Variants in DDX60L observed in about 807,000 individuals in gnomAD.
The protein encoded by DDX60L is DExD/H-box 60 like, also known as probable ATP-dependent RNA helicase DDX60-like.
Under a neutral mutation model 211.6 loss-of-function variants are expected in DDX60L, and 191 were observed. The ratio of observed to expected loss-of-function variants is 0.90; its 90% CI spans 0.80 to 1.02. The LOEUF (loss-of-function observed/expected upper bound fraction) is 1.02, where lower values mean the gene tolerates loss of function less well. DDX60L is among the 50% of genes least tolerant of loss of function. The pLI is 0.00. For synonymous variants in DDX60L, 706 were observed against 694.1 expected, an observed-to-expected ratio of 1.02 and a Z score of -0.27; for missense variants, 2,007 against 1,984.1, an observed-to-expected ratio of 1.01 and a Z score of -0.22.
intron 34 of DDX60L, among the ~76,000 whole-genome samples, chr4:168,375,070 C>A (rs1741705505): frequency 6.6e-6 from 1 of 152,266 alleles, no homozygotes; most frequent in Non-Finnish European, 1.5e-5. Context: ...TTTTCTGATC[C>A]AGTTTTCCAA....
At chr4:168,425,706 T>C (rs996347073) in intron 14 of DDX60L, among the ~76,000 whole-genome samples, 2 of 151,886 alleles carry the variant, frequency 1.3e-5, no homozygotes, top group Non-Finnish European at 1.5e-5. Flanking sequence ...GAGGTGGAGG[T>C]TGCAGTGAGC....
At position 168,415,480 on chromosome 4, in the gene DDX60L, A is replaced by G; in HGVS notation, c.2907T>C (p.His969=). Residue 969 remains histidine, a synonymous_variant, in exon 22 of 38, where the codon CAT becomes CAC. Coordinates refer to ENST00000682922, the MANE Select transcript of DDX60L (RefSeq NM_001012967.3). The part of the protein sequence containing the change: ...CGERYNDLEK[H]ICSVKHDDVY... ...CATCATCATGTTTTACTGAACATAT[A>G]TGCTTCTCTAAATCATTGTATCTCT... 1 of 1,604,714 alleles carries G rather than the reference A, an allele frequency of 6.2e-7. No individual in the cohort carries two copies. The highest frequency in any genetic ancestry group is 1.1e-5 in the South Asian group (1 of 89,798).
chr4:168,373,836 G>C (rs1281999436), intron 34 of DDX60L, 28 bp from the exon 35 acceptor site: 1 of 1,604,064 alleles, frequency 6.2e-7, no homozygotes, highest in Non-Finnish European at 8.5e-7. Context: ...GGTCACGTTA[G>C]GTTTTAAAAA....
intron 36 of DDX60L, among the ~76,000 whole-genome samples, chr4:168,363,966 A>G (rs1486338014): frequency 6.6e-6 from 1 of 152,166 alleles, no homozygotes; most frequent in Non-Finnish European, 1.5e-5. Context: ...AAGAAAAATA[A>G]AAAATTAGCC....
intron 6 of DDX60L, among the ~76,000 whole-genome samples, chr4:168,457,287 C>T (rs959203510): frequency 1.3e-5 from 2 of 150,540 alleles, no homozygotes; most frequent in African/African-American, 4.9e-5. Context: ...CACACACACA[C>T]ACACATACAC....
chr4:168,408,176 C>T (rs1748087832), intron 22 of DDX60L, among the ~76,000 whole-genome samples: 1 of 152,194 alleles, frequency 6.6e-6, no homozygotes, highest in Admixed American at 6.5e-5. Flanking sequence ...TGCTGTGCTT[C>T]TATTTTGGTC....
intron 37 of DDX60L, 68 bp downstream of exon 37, chr4:168,361,081 G>A (rs2684347): frequency 0.77 from 875,653 of 1,132,472 alleles, 341,598 homozygotes; most frequent in East Asian, 0.86. Context: ...CTTACACAAA[G>A]GAAGAGCTAT....
chr4:168,426,670 A>G (rs1422808718), intron 14 of DDX60L, among the ~76,000 whole-genome samples: 2 of 152,188 alleles, frequency 1.3e-5, no homozygotes, highest in Non-Finnish European at 2.9e-5. Context: ...AGAAACATGG[A>G]AAAACCCATG....
chr4:168,401,064 T>C (rs564595696), intron 25 of DDX60L, 86 bp from the exon 26 acceptor site: 1 of 1,236,774 alleles, frequency 8.1e-7, no homozygotes, highest in African/African-American at 1.5e-5. Context: ...GGCCCCTCAA[T>C]CATCTGAATA....
chr4:168,459,865 A>C (rs1163823839), intron 5 of DDX60L, among the ~76,000 whole-genome samples: 1 of 142,770 alleles, frequency 7.0e-6, no homozygotes, highest in Non-Finnish European at 1.5e-5. Context: ...TCTAAAGTTC[A>C]AAAAAAAAAA....
Position 168,416,842 on chromosome 4 carries a change from G to A in DDX60L, c.2611-45C>T, listed in dbSNP as rs757082257. The A allele has an allele frequency of 9.7e-5, 107 of 1,100,194 alleles. No homozygotes were observed. In the East Asian group the frequency reaches 1.4e-3, roughly 14 times the overall value. 68.2% of individuals were successfully genotyped at this position (1,100,194 alleles called of 1,614,324 possible). On this transcript the variant is annotated intron_variant, in intron 19 of 37. Coordinates refer to ENST00000682922, the MANE Select transcript of DDX60L (RefSeq NM_001012967.3). ...CAGTTGAAAAGTTGATGTCAAAATC[G>A]TAAATAAAAAATAGAAGCATAAAAT...
At chr4:168,375,195 A>T (rs530376181) in intron 34 of DDX60L, among the ~76,000 whole-genome samples, 182 bp downstream of exon 34, 26 of 152,296 alleles carry the variant, frequency 1.7e-4, no homozygotes, top group African/African-American at 6.3e-4. Context: ...ATTGGAAAAC[A>T]GAGCCATTAT....
At chr4:168,443,252 C>A (rs1384942942) in intron 9 of DDX60L, among the ~76,000 whole-genome samples, 2 of 151,914 alleles carry the variant, frequency 1.3e-5, no homozygotes, top group African/African-American at 4.8e-5. Flanking sequence ...GGAGCCGATG[C>A]GATCAACTGG....
Position 168,450,781 on chromosome 4 carries a change from C to T in DDX60L, c.997-2002G>A, listed in dbSNP as rs1460618044. Among the ~76,000 whole-genome samples, 8 of 152,150 alleles carry T rather than the reference C, an allele frequency of 5.3e-5. No individual in the cohort carries two copies. The South Asian group carries it at 1.0e-3, about 20-fold the overall frequency. ...AAATAAAATTAGCCAGGCATGGTGG[C>T]GTATAGTCCCATCTATTAGAGAGGC... On this transcript the variant is annotated intron_variant, in intron 8 of 37. Coordinates refer to ENST00000682922, the MANE Select transcript of DDX60L (RefSeq NM_001012967.3).
chr4:168,362,201 T>C (rs1242376332), intron 36 of DDX60L, among the ~76,000 whole-genome samples: 1 of 152,240 alleles, frequency 6.6e-6, no homozygotes, highest in East Asian at 1.9e-4. Flanking sequence ...CAGCCCAGCA[T>C]GCATTTGCAT....
At chr4:168,431,821 T>C (rs180802691) in intron 12 of DDX60L, among the ~76,000 whole-genome samples, 2 of 152,322 alleles carry the variant, frequency 1.3e-5, no homozygotes, top group East Asian at 1.9e-4. Flanking sequence ...ATGAATTCCT[T>C]TCCTTAGGAC....
intron 36 of DDX60L, among the ~76,000 whole-genome samples, chr4:168,362,778 G>C (rs1376266403): frequency 6.6e-6 from 1 of 152,096 alleles, no homozygotes; most frequent in Non-Finnish European, 1.5e-5. Context: ...CAGTCAAAGA[G>C]GGAAAAAGAA....
intron 1 of DDX60L, among the ~76,000 whole-genome samples, chr4:168,474,365 T>C (rs1290923486): frequency 6.6e-6 from 1 of 151,970 alleles, no homozygotes; most frequent in African/African-American, 2.4e-5. Context: ...AAAGTAAGGA[T>C]CGTCAGATAT....
chr4:168,363,253 A>T (rs1209757271), intron 36 of DDX60L, among the ~76,000 whole-genome samples: 2 of 152,216 alleles, frequency 1.3e-5, no homozygotes, highest in African/African-American at 4.8e-5. Flanking sequence ...TTCCCAGACA[A>T]GCAAAAGCTG....
Sources: gnomAD v4.1 joint callset for allele counts (sites outside exome capture counted in the v4.1 genomes callset) on GRCh38, gnomAD v4.1.1 for gene constraint, MANE v1.5 for transcripts, NCBI Gene and HGNC (gene_info 2026-07-23, HGNC 2026-07-21) for gene names.